Variants in PITHD1 observed in about 807,000 individuals in gnomAD.
PITHD1 encodes PITH domain-containing protein 1.
A neutral mutation model predicts 27.5 loss-of-function variants in PITHD1; 8 were observed. That is an observed-to-expected ratio of 0.29 (90% CI 0.17 to 0.52). The LOEUF (loss-of-function observed/expected upper bound fraction) is 0.52. Ranked by LOEUF, PITHD1 falls within the 20% of genes least tolerant of loss-of-function variation. The pLI, the probability that PITHD1 is intolerant of heterozygous loss-of-function variation, is 0.96. For synonymous variants in PITHD1, 118 were observed against 106.8 expected (o/e 1.10, Z -0.64); for missense variants, 233 against 283.9 (o/e 0.82, Z 1.29).
chr1:23,782,289 G>T (rs1466375229), intron 3 of PITHD1, among the ~76,000 whole-genome samples: 1 of 152,100 alleles, frequency 6.6e-6, no homozygotes, highest in African/African-American at 2.4e-5. Context: ...CATGGTGGCA[G>T]TCGCCTGTCA....
chr1:23,787,316 T>A lies in PITHD1; in HGVS notation c.576T>A (p.Ser192=). 1 of 1,613,920 alleles carries A rather than the reference T, an allele frequency of 6.2e-7. No homozygotes were observed. Among genetic ancestry groups the A allele is most frequent in the Non-Finnish European group, 8.5e-7 (1 of 1,179,818 alleles). The change falls in exon 6 of 6, where the codon TCT becomes TCA. Residue 192 remains serine (S), a synonymous_variant. Transcript: ENST00000246151. ...HEVTICNYEA[S]ANPADHRVHQ... is the part of the protein sequence containing the mutation. The stretch of plus-strand genomic sequence containing the variant: ...TGACCATCTGCAATTACGAAGCATC[T>A]GCCAACCCAGCAGACCATAGGGTCC...
chr1:23,787,592 C>T lies in PITHD1; in HGVS notation c.*216C>T, dbSNP rs115741631. 3.0e-3 allele frequency: 1,087 copies of T among 356,992 alleles called. 16 individuals are homozygous for T. Among genetic ancestry groups the T allele is most frequent in the African/African-American group, 0.021 (1,013 of 47,930 alleles). 22.1% of individuals were successfully genotyped at this position (356,992 alleles called of 1,614,324 possible). ...AGGGGACCATCGTGGTTCTCTAGGG[C>T]GCTGTGGAAATTGGGTCTTGGGCTG... On this transcript the variant is annotated 3_prime_UTR_variant, in exon 6 of 6. Coordinates refer to ENST00000246151, the MANE Select transcript of PITHD1 (RefSeq NM_020362.5).
chr1:23,779,495 T>C lies in PITHD1; in HGVS notation c.242+14T>C. 1 of 1,603,386 alleles carries C rather than the reference T, an allele frequency of 6.2e-7. No individual in the cohort carries two copies. The highest frequency in any genetic ancestry group is 8.5e-7 in the Non-Finnish European group (1 of 1,170,106). The stretch of plus-strand genomic sequence containing the variant: ...GTTTAATATTCCGTAAGTATCTCCT[T>C]GGTGCCTACCTCAGGCTAAATAGGC... On this transcript the variant is annotated intron_variant, in intron 2 of 5. Coordinates refer to ENST00000246151, the MANE Select transcript of PITHD1 (RefSeq NM_020362.5).
intron 3 of PITHD1, among the ~76,000 whole-genome samples, chr1:23,781,888 G>A (rs1429717435): frequency 6.6e-6 from 1 of 152,118 alleles, no homozygotes; most frequent in Non-Finnish European, 1.5e-5. Context: ...AACACAGTAA[G>A]TGTCCAATTT....
intron 2 of PITHD1, 53 bp downstream of exon 2, chr1:23,779,534 C>G: frequency 7.5e-7 from 1 of 1,329,248 alleles, no homozygotes; most frequent in East Asian, 2.3e-5. Context: ...ACCCAGTTGC[C>G]TCAGATGGAT....
chr1:23,786,099 G>A (rs1177549697), intron 4 of PITHD1, among the ~76,000 whole-genome samples: 2 of 152,194 alleles, frequency 1.3e-5, no homozygotes, highest in Non-Finnish European at 2.9e-5. Context: ...TTGAGGGCAG[G>A]AGCAGTGTTT....
intron 1 of PITHD1, 168 bp from the exon 2 acceptor site, chr1:23,779,269 TG>T (rs1463256444): frequency 3.4e-6 from 2 of 586,552 alleles, no homozygotes; most frequent in African/African-American, 3.8e-5. Context: ...GTGGCTGTTA[TG>T]ACACTGGATA....
At chr1:23,783,912 G>A (rs1638646209) in intron 3 of PITHD1, among the ~76,000 whole-genome samples, 1 of 152,198 alleles carries the variant, frequency 6.6e-6, no homozygotes, top group Admixed American at 6.5e-5. Context: ...CTGCTTTTGT[G>A]TAAGTTTGAA....
rs2148402828 is a variant in PITHD1, at chr1:23,787,456, C to T, written c.*80C>T. On this transcript the variant is annotated 3_prime_UTR_variant, in exon 6 of 6. Transcript: ENST00000246151. ...TGTTGGGAAGGACAAAGGGATGAGG[C>T]TCCAGAGAGAGTTGGCTGCCACAGC... 1 of 817,720 alleles carries T rather than the reference C, an allele frequency of 1.2e-6. No individual in the cohort carries two copies. The highest frequency in any genetic ancestry group is 2.5e-5 in the East Asian group (1 of 39,566). 50.7% of individuals were successfully genotyped at this position (817,720 alleles called of 1,614,324 possible). A position where few individuals can be genotyped will look rare whatever the true frequency, so the allele number is the denominator to read the frequency against.
intron 3 of PITHD1, among the ~76,000 whole-genome samples, chr1:23,781,479 A>AT (rs397935307): frequency 6.6e-6 from 1 of 151,342 alleles, no homozygotes; most frequent in Admixed American, 6.6e-5. Context: ...AAAAAAAAAA[A>AT]TTCATCTGAA....
chr1:23,781,207 A>T (rs1390838000), intron 3 of PITHD1, among the ~76,000 whole-genome samples: 2 of 152,024 alleles, frequency 1.3e-5, no homozygotes, highest in Admixed American at 1.3e-4. Flanking sequence ...AAATAATTCA[A>T]ATCCCAGCAC....
At chr1:23,783,389 A>G (rs1176628148) in intron 3 of PITHD1, among the ~76,000 whole-genome samples, 2 of 101,414 alleles carry the variant, frequency 2.0e-5, no homozygotes, top group African/African-American at 4.2e-5. Context: ...GTGTATATAT[A>G]CATATATACG....
chr1:23,780,621 C>T (rs1411408794), intron 3 of PITHD1, among the ~76,000 whole-genome samples: 1 of 152,180 alleles, frequency 6.6e-6, no homozygotes, highest in Non-Finnish European at 1.5e-5. Flanking sequence ...GTGGCTTACA[C>T]TTGTAATCCC....
Position 23,778,698 on chromosome 1 carries a change from G to C in PITHD1, c.183G>C (p.Arg61=), listed in dbSNP as rs1223756581. ...GCGTCTTCAAGCCGTGGGAGGAGCG[G>C]ACCGACCGCTCCAAGGTGGGCCGCC... The part of the protein sequence containing the change: ...GRGVFKPWEE[R]TDRSKFVESD... Residue 61 remains arginine, a synonymous_variant, in exon 1 of 6, where the codon CGG becomes CGC. Coordinates refer to ENST00000246151, the MANE Select transcript of PITHD1 (RefSeq NM_020362.5). The C allele has an allele frequency of 1.5e-6, 2 of 1,300,294 alleles. No homozygotes were observed. Among genetic ancestry groups the C allele is most frequent in the African/African-American group, 1.5e-5 (1 of 65,242 alleles). The allele number at this position is 1,300,294 out of a possible 1,614,324, so 80.5% of individuals were successfully genotyped here. A position where few individuals can be genotyped will look rare whatever the true frequency, so the allele number is the denominator to read the frequency against.
At chr1:23,785,850 C>A in intron 4 of PITHD1, 71 bp downstream of exon 4, 1 of 831,762 alleles carries the variant, frequency 1.2e-6, no homozygotes, top group Non-Finnish European at 2.1e-6. Flanking sequence ...TGGCCAGTCT[C>A]CTGCTCTCTT....
At chr1:23,785,594 T>A in intron 3 of PITHD1, 81 bp from the exon 4 acceptor site, 1 of 772,986 alleles carries the variant, frequency 1.3e-6, no homozygotes, top group Non-Finnish European at 2.2e-6. Context: ...CCAAAGCCAT[T>A]TAAGCAGTCA....
At position 23,787,402 on chromosome 1, in the gene PITHD1, C is replaced by A; in HGVS notation, c.*26C>A. 2 of 1,295,400 alleles carry A rather than the reference C, an allele frequency of 1.5e-6. No homozygotes were observed. Among genetic ancestry groups the A allele is most frequent in the Non-Finnish European group, 2.2e-6 (2 of 892,724 alleles). The allele number at this position is 1,295,400 out of a possible 1,614,324, so 80.2% of individuals were successfully genotyped here. ...GGGCTGGCCAAGGCTCCCATAGAGG[C>A]GCTGTGTCAGTGAAGATGTACGACT... On this transcript the variant is annotated 3_prime_UTR_variant, in exon 6 of 6. Transcript: ENST00000246151.
chr1:23,779,956 C>G lies in PITHD1; in HGVS notation c.320+15C>G. 1 of 1,545,052 alleles carries G rather than the reference C, an allele frequency of 6.5e-7. No homozygotes were observed. The highest frequency in any genetic ancestry group is 9.0e-7 in the Non-Finnish European group (1 of 1,117,144). ...GAGATGAGACTGTAAGTGGCAAAGG[C>G]TTAGGCCCTCAAAGGAGCTCCTAAT... On this transcript the variant is annotated intron_variant, in intron 3 of 5. Coordinates refer to ENST00000246151, the MANE Select transcript of PITHD1 (RefSeq NM_020362.5).
intron 3 of PITHD1, among the ~76,000 whole-genome samples, chr1:23,784,324 TC>T (rs1445923949): frequency 1.3e-5 from 2 of 149,440 alleles, no homozygotes; most frequent in Non-Finnish European, 3.0e-5. Flanking sequence ...CACTCCAAGT[TC>T]CGCTTCCCAG....
Sources: gnomAD v4.1 joint callset for allele counts (sites outside exome capture counted in the v4.1 genomes callset) on GRCh38, gnomAD v4.1.1 for gene constraint, MANE v1.5 for transcripts, NCBI Gene and HGNC (gene_info 2026-07-23, HGNC 2026-07-21) for gene names.